SPATA16: variants seen among roughly 807,000 people sequenced by gnomAD.
The protein encoded by SPATA16 is spermatogenesis associated 16.
Under a neutral mutation model 63.3 loss-of-function variants are expected in SPATA16, and 36 were observed. That is an observed-to-expected ratio of 0.57 (90% CI 0.44 to 0.75). SPATA16 has a LOEUF of 0.75. SPATA16 is among the 30% of genes least tolerant of loss of function. The pLI is 0.00. For missense variants in SPATA16, 646 were observed against 679.3 expected, an observed-to-expected ratio of 0.95 and a Z score of 0.54; for synonymous variants, 203 against 216.7, an observed-to-expected ratio of 0.94 and a Z score of 0.56.
At chr3:172,939,451 CA>C (rs1733092887) in intron 6 of SPATA16, among the ~76,000 whole-genome samples, 1 of 152,096 alleles carries the variant, frequency 6.6e-6, no homozygotes, top group Admixed American at 6.6e-5. Context: ...TAATTATTGA[CA>C]AAAGGGCCAG....
intron 3 of SPATA16, among the ~76,000 whole-genome samples, chr3:173,020,004 A>G (rs63268660): frequency 1.3e-5 from 2 of 149,686 alleles, no homozygotes; most frequent in South Asian, 4.2e-4. Context: ...AAAAAAAAAA[A>G]GGAACTGGAG....
chr3:173,068,816 T>TAA (rs35439377), intron 2 of SPATA16, among the ~76,000 whole-genome samples: 4,782 of 142,696 alleles, frequency 0.034, 256 homozygotes, highest in African/African-American at 0.11. Context: ...CCCAAATTAG[T>TAA]AAAAAAAAAA....
chr3:173,068,001 C>T (rs771811619), intron 2 of SPATA16, among the ~76,000 whole-genome samples: 1 of 152,196 alleles, frequency 6.6e-6, no homozygotes, highest in Non-Finnish European at 1.5e-5. Flanking sequence ...TAGAATATTA[C>T]ATCCAGCAAA....
chr3:173,094,330 CA>C (rs1284543789), intron 2 of SPATA16, among the ~76,000 whole-genome samples: 1 of 152,078 alleles, frequency 6.6e-6, no homozygotes, highest in African/African-American at 2.4e-5. Context: ...TATTTAAAGC[CA>C]AATTCCCTGT....
chr3:173,111,170 A>G (rs1174014689), intron 2 of SPATA16, among the ~76,000 whole-genome samples: 6 of 152,272 alleles, frequency 3.9e-5, no homozygotes, highest in African/African-American at 1.4e-4. Context: ...AAATGGGGTG[A>G]TAATATCCAT....
At chr3:173,046,137 G>A (rs1735951346) in intron 3 of SPATA16, among the ~76,000 whole-genome samples, 1 of 152,042 alleles carries the variant, frequency 6.6e-6, no homozygotes, top group South Asian at 2.1e-4. Context: ...TGATAAGAAA[G>A]CAGTAATTAC....
chr3:173,059,163 AT>A (rs1736317108), intron 2 of SPATA16, among the ~76,000 whole-genome samples: 1 of 152,034 alleles, frequency 6.6e-6, no homozygotes, highest in South Asian at 2.1e-4. Flanking sequence ...CTTAACTAGA[AT>A]TGCGGAAGGT....
chr3:173,081,442 G>T lies in SPATA16; in HGVS notation c.613-32348C>A, dbSNP rs377396825. ...ATTTGGGAGAATGAGTCGCTTCCTG[G>T]TCTAAGCACCAGCTCCAGGCAATGG... On this transcript the variant is annotated intron_variant, in intron 2 of 10. Transcript: ENST00000351008. 2.2e-4 allele frequency among the ~76,000 whole-genome samples: 34 copies of T among 152,210 alleles called. 2 individuals carry two copies. Among genetic ancestry groups the T allele is most frequent in the African/African-American group, 7.9e-4 (33 of 41,538 alleles).
intron 3 of SPATA16, among the ~76,000 whole-genome samples, chr3:173,034,807 A>G (rs1484480224): frequency 6.6e-6 from 1 of 152,202 alleles, no homozygotes; most frequent in Non-Finnish European, 1.5e-5. Context: ...AGGTTTAGTT[A>G]TAGATCAAAC....
At chr3:173,007,373 A>G (rs1191805702) in intron 4 of SPATA16, among the ~76,000 whole-genome samples, 1 of 152,208 alleles carries the variant, frequency 6.6e-6, no homozygotes, top group African/African-American at 2.4e-5. Context: ...CAGGCAGCTG[A>G]TATGGTAAAA....
chr3:172,975,676 G>A (rs1427164237), intron 5 of SPATA16, among the ~76,000 whole-genome samples: 1 of 151,850 alleles, frequency 6.6e-6, no homozygotes, highest in Non-Finnish European at 1.5e-5. Flanking sequence ...GGTTGTTTTG[G>A]GTTTAAAGGT....
intron 9 of SPATA16, 80 bp from the exon 10 acceptor site, chr3:172,913,824 T>G: frequency 1.6e-6 from 2 of 1,241,822 alleles, no homozygotes; most frequent in Non-Finnish European, 2.3e-6. Flanking sequence ...AAAACCTAAT[T>G]AAAAAATCAT....
chr3:172,984,771 G>A lies in SPATA16; in HGVS notation c.849-7719C>T, dbSNP rs942346023. ...CTTGAGGTTTACTGCCTTCCTGCTA[G>A]TCTGAAATTTCAAATATTGCCTGTT... On this transcript the variant is annotated intron_variant, in intron 4 of 10. Coordinates refer to ENST00000351008, the MANE Select transcript of SPATA16 (RefSeq NM_031955.6). 1.5e-4 allele frequency among the ~76,000 whole-genome samples: 23 copies of A among 152,244 alleles called. 1 individual carries two copies. Among genetic ancestry groups the A allele is most frequent in the Admixed American group, 1.5e-3 (23 of 15,292 alleles).
intron 3 of SPATA16, among the ~76,000 whole-genome samples, chr3:173,025,379 A>G (rs1293489821): frequency 1.3e-5 from 2 of 151,900 alleles, no homozygotes; most frequent in Non-Finnish European, 2.9e-5. Flanking sequence ...TTTAAAGGCA[A>G]TATTCTCATT....
chr3:172,942,107 C>T (rs767430018), intron 6 of SPATA16, among the ~76,000 whole-genome samples: 14 of 151,980 alleles, frequency 9.2e-5, no homozygotes, highest in Non-Finnish European at 1.8e-4. Context: ...ACACAGAAAT[C>T]GACAAAGATC....
intron 8 of SPATA16, among the ~76,000 whole-genome samples, chr3:172,917,810 A>G (rs1732528936): frequency 6.6e-6 from 1 of 152,248 alleles, no homozygotes; most frequent in Non-Finnish European, 1.5e-5. Context: ...CTAGAAACTA[A>G]TATTACTGAA....
At chr3:173,075,766 C>A (rs1736786538) in intron 2 of SPATA16, among the ~76,000 whole-genome samples, 1 of 151,964 alleles carries the variant, frequency 6.6e-6, no homozygotes, top group African/African-American at 2.4e-5. Flanking sequence ...TTACCAGGGG[C>A]TGGTGTGGGT....
At chr3:173,103,738 C>T (rs1305470382) in intron 2 of SPATA16, among the ~76,000 whole-genome samples, 1 of 152,236 alleles carries the variant, frequency 6.6e-6, no homozygotes, top group East Asian at 1.9e-4. Context: ...GGCCTTTCCC[C>T]CATTTTCTTG....
intron 6 of SPATA16, among the ~76,000 whole-genome samples, chr3:172,955,600 T>C (rs1040707328): frequency 2.0e-5 from 3 of 152,186 alleles, no homozygotes; most frequent in Non-Finnish European, 4.4e-5. Context: ...ACTATTCTGT[T>C]ATCACTAGTG....
Sources: allele counts gnomAD v4.1 joint callset (sites outside exome capture counted in the v4.1 genomes callset), GRCh38; gene constraint gnomAD v4.1.1; transcripts MANE v1.5; gene names NCBI Gene and HGNC (gene_info 2026-07-23, HGNC 2026-07-21).